KIAA1549L: variants seen among roughly 807,000 people sequenced by gnomAD.
KIAA1549L encodes the protein KIAA1549 like.
A neutral mutation model predicts 160.7 loss-of-function variants in KIAA1549L; 88 were observed. The observed-to-expected ratio is 0.55, with a 90% CI of 0.46 to 0.65. The LOEUF is 0.65. Ranked by LOEUF, KIAA1549L falls within the 30% of genes least tolerant of loss-of-function variation. The pLI is 0.00. For missense variants in KIAA1549L, 2,258 were observed against 2,437.5 expected (o/e 0.93, Z 1.55); for synonymous variants, 950 against 976.7 (o/e 0.97, Z 0.51).
chr11:33,668,028 G>A lies in KIAA1549L; in HGVS notation c.6315G>A (p.Leu2105=), dbSNP rs1041897942. Residue 2105 remains leucine, a synonymous_variant, in exon 21 of 21, where the codon CTG becomes CTA. Transcript: ENST00000658780. ...APSTAASQQS[L]AENDPSDAPL... is the part of the protein sequence containing the mutation. ...CCACAGCGGCCTCGCAGCAGAGCCT[G>A]GCAGAAAACGACCCGTCTGACGCTC... 1.9e-6 allele frequency: 3 copies of A among 1,614,020 alleles called. No homozygotes were observed. The highest frequency in any genetic ancestry group is 8.5e-7 in the Non-Finnish European group (1 of 1,179,906).
At chr11:33,414,735 AC>A (rs1850854888) in intron 1 of KIAA1549L, among the ~76,000 whole-genome samples, 1 of 152,194 alleles carries the variant, frequency 6.6e-6, no homozygotes, top group African/African-American at 2.4e-5. Flanking sequence ...GTTTTAATGT[AC>A]ATTACTTTGA....
intron 10 of KIAA1549L, among the ~76,000 whole-genome samples, chr11:33,580,587 A>AAAAAAAAAAAAG (rs1554994225): frequency 2.4e-5 from 3 of 127,528 alleles, no homozygotes; most frequent in South Asian, 2.2e-4. Context: ...AAAAAAAAAA[A>AAAAAAAAAAAAG]AAAAGAAAAG....
chr11:33,467,137 T>G (rs918512261), intron 1 of KIAA1549L, among the ~76,000 whole-genome samples: 9 of 152,124 alleles, frequency 5.9e-5, no homozygotes, highest in African/African-American at 2.2e-4. Flanking sequence ...TATGGTTAAC[T>G]TTTTTCTTAT....
intron 1 of KIAA1549L, among the ~76,000 whole-genome samples, chr11:33,481,060 T>G (rs1852401969): frequency 6.6e-6 from 1 of 152,254 alleles, no homozygotes; most frequent in Non-Finnish European, 1.5e-5. Context: ...TTGCTTTGGC[T>G]TGTTTTTCTT....
intron 18 of KIAA1549L, among the ~76,000 whole-genome samples, chr11:33,658,364 C>T (rs1419605082): frequency 2.0e-5 from 3 of 152,096 alleles, no homozygotes; most frequent in African/African-American, 7.2e-5. Context: ...GAGAGCCTTC[C>T]CACTGGCTGC....
Position 33,618,630 on chromosome 11 carries a change from C to A in KIAA1549L, c.5377C>A (p.Pro1793Thr), listed in dbSNP as rs775132777. ...GGACCTTCTGGTGACTCGGGAGCGA[C>A]CCCGGCGTGGAATCCGCAACAGCGG... The part of the protein sequence containing the change: ...EMDLLVTRER[P>T]RRGIRNSGYD... The change falls in exon 16 of 21, where the codon CCC (proline) becomes ACC (threonine). Residue 1793 changes from proline (P) to threonine (T), a missense_variant. Coordinates refer to ENST00000658780, the MANE Select transcript of KIAA1549L (RefSeq NM_012194.3). The A allele has an allele frequency of 2.5e-6, 4 of 1,601,930 alleles. No homozygotes were observed. In the Admixed American group the frequency reaches 6.9e-5, roughly 27 times the overall value.
intron 8 of KIAA1549L, among the ~76,000 whole-genome samples, chr11:33,565,789 G>A (rs1023427175): frequency 6.6e-6 from 1 of 151,500 alleles, no homozygotes. Flanking sequence ...AGGCTGAGAT[G>A]GGAGGATTGC....
chr11:33,495,171 A>G (rs1852785622), intron 1 of KIAA1549L, among the ~76,000 whole-genome samples: 1 of 152,022 alleles, frequency 6.6e-6, no homozygotes. Context: ...ACATGTCCAC[A>G]ATGTGCAGGT....
At chr11:33,401,879 A>C (rs969416039) in intron 1 of KIAA1549L, among the ~76,000 whole-genome samples, 4 of 152,202 alleles carry the variant, frequency 2.6e-5, no homozygotes, top group African/African-American at 9.7e-5. Context: ...CACAAGCCAA[A>C]GGTCACCAAC....
At chr11:33,644,091 G>A (rs923666425) in intron 16 of KIAA1549L, among the ~76,000 whole-genome samples, 9 of 152,156 alleles carry the variant, frequency 5.9e-5, no homozygotes, top group Non-Finnish European at 1.3e-4. Context: ...TCCAGAATCT[G>A]TCCTTGCTCT....
rs188489993 is a variant in KIAA1549L at position 33,574,857 on chromosome 11, C to G, written c.4386C>G (p.Val1462=). 6.2e-7 allele frequency: 1 copy of G among 1,613,638 alleles called. No homozygotes were observed. The highest frequency in any genetic ancestry group is 1.3e-5 in the African/African-American group (1 of 75,042). ...TGGCCTTGACCCTTCATCACGTTGT[C>G]CTTCTGCAAGCTGACCGTAAGGGAA... ...QRMALTLHHV[V]LLQADPVVKN... The change falls in exon 10 of 21, where the codon GTC becomes GTG. Residue 1462 remains valine, a synonymous_variant. Transcript: ENST00000658780.
chr11:33,512,610 A>G (rs1435054920), intron 1 of KIAA1549L, among the ~76,000 whole-genome samples: 1 of 152,032 alleles, frequency 6.6e-6, no homozygotes, highest in Non-Finnish European at 1.5e-5. Flanking sequence ...TTTTGTAGAG[A>G]TGGGGTTTTC....
In KIAA1549L at chr11:33,638,361, C is replaced by G. The variant is rs910412859; in HGVS notation, c.5410-7325C>G. The stretch of plus-strand genomic sequence containing the variant: ...TAAATGGATTTATTCAGTATGTACT[C>G]TTTTGTGTCTGACTTCTTTCACTCA... On this transcript the variant is annotated intron_variant, in intron 16 of 20. Transcript: ENST00000658780. 5.5e-5 allele frequency among the ~76,000 whole-genome samples: 7 copies of G among 128,098 alleles called. No individual in the cohort carries two copies. The Admixed American group carries it at 5.7e-4, about 10-fold the overall frequency. The allele number at this position is 128,098 out of a possible 152,430, so 84.0% of individuals were successfully genotyped here. A position where few individuals can be genotyped will look rare whatever the true frequency, so the allele number is the denominator to read the frequency against.
In KIAA1549L at chr11:33,580,587, A is replaced by AAAAAGAAAAG. The variant is rs1554994222; in HGVS notation, c.4403-2741_4403-2732dup. Among the ~76,000 whole-genome samples, 8 of 127,570 alleles carry AAAAAGAAAAG rather than the reference A, an allele frequency of 6.3e-5. No individual in the cohort carries two copies. The East Asian group carries it at 6.4e-4, about 10-fold the overall frequency. 83.7% of individuals were successfully genotyped at this position (127,570 alleles called of 152,430 possible). ...ATTCTGCCTCAAAAAAAAAAAAAAAAAAAAGAAAAGAAAAGAAAAAAAAAG... is the reference window on the plus strand; with the variant it reads ...ATTCTGCCTCAAAAAAAAAAAAAAAAAAAAGAAAAGAAAAGAAAAGAAAAGAAAAAAAAAG... On this transcript the variant is annotated intron_variant, in intron 10 of 20. Transcript: ENST00000658780.
At chr11:33,466,127 T>C (rs1231501521) in intron 1 of KIAA1549L, among the ~76,000 whole-genome samples, 1 of 151,978 alleles carries the variant, frequency 6.6e-6, no homozygotes, top group Non-Finnish European at 1.5e-5. Context: ...AAATGACATC[T>C]AATTAAACTA....
At chr11:33,442,648 C>G (rs1049190569) in intron 1 of KIAA1549L, among the ~76,000 whole-genome samples, 1 of 152,106 alleles carries the variant, frequency 6.6e-6, no homozygotes, top group African/African-American at 2.4e-5. Context: ...TGTCTAGATA[C>G]TGATTTTATT....
At chr11:33,426,621 G>A (rs1406568231) in intron 1 of KIAA1549L, among the ~76,000 whole-genome samples, 3 of 152,296 alleles carry the variant, frequency 2.0e-5, no homozygotes, top group Admixed American at 2.0e-4. Context: ...TTGAAAGTTT[G>A]TTATGTGCTA....
rs201551936 is a variant in KIAA1549L at position 33,440,120 on chromosome 11, C to CTTTTTTTTTTTTT, written c.238+63246_238+63258dup. Among the ~76,000 whole-genome samples, 271 of 83,352 alleles carry CTTTTTTTTTTTTT rather than the reference C, an allele frequency of 3.3e-3. 48 individuals are homozygous for CTTTTTTTTTTTTT. The highest frequency in any genetic ancestry group is 4.5e-3 in the Non-Finnish European group (182 of 40,708). The allele number at this position is 83,352 out of a possible 152,430, so 54.7% of individuals were successfully genotyped here. ...GGTTATTTCCTCACCTATTTTGTTT[C>CTTTTTTTTTTTTT]TTTTTTTTTTTTTTTTTTTTTTTTT... On this transcript the variant is annotated intron_variant, in intron 1 of 20. Coordinates refer to ENST00000658780, the MANE Select transcript of KIAA1549L (RefSeq NM_012194.3).
At chr11:33,587,178 T>C (rs1410753397) in intron 11 of KIAA1549L, among the ~76,000 whole-genome samples, 2 of 152,238 alleles carry the variant, frequency 1.3e-5, no homozygotes, top group African/African-American at 4.8e-5. Context: ...CTTTTATTGT[T>C]ACCCATGCTT....
Sources: allele counts gnomAD v4.1 joint callset (sites outside exome capture counted in the v4.1 genomes callset), GRCh38; gene constraint gnomAD v4.1.1; transcripts MANE v1.5; gene names NCBI Gene and HGNC (gene_info 2026-07-23, HGNC 2026-07-21).